PRKCD: variants seen among roughly 807,000 people sequenced by gnomAD.
The protein encoded by PRKCD is protein kinase C delta type.
PRKCD carries 20 observed loss-of-function variants against 82.2 expected under a neutral mutation model. That is an observed-to-expected ratio of 0.24 (90% CI 0.17 to 0.35). The LOEUF (loss-of-function observed/expected upper bound fraction) is 0.35, where lower values mean the gene tolerates loss of function less well. PRKCD is among the 10% of genes least tolerant of loss of function. The pLI, the probability that PRKCD is intolerant of heterozygous loss-of-function variation, is 1.00. For missense variants in PRKCD, 607 were observed against 899.0 expected (o/e 0.68, Z 4.15); for synonymous variants, 317 against 337.0 (o/e 0.94, Z 0.65).
intron 1 of PRKCD, among the ~76,000 whole-genome samples, chr3:53,162,763 T>A (rs1160362099): frequency 2.7e-5 from 4 of 150,910 alleles, no homozygotes; most frequent in African/African-American, 9.8e-5. Context: ...TCTGGAGGTT[T>A]CGGTGTTGCA....
chr3:53,186,842 T>G (rs1553669296), intron 14 of PRKCD, 147 bp downstream of exon 14: 1 of 832,486 alleles, frequency 1.2e-6, no homozygotes, highest in African/African-American at 1.7e-5. Context: ...GATGTGGGGG[T>G]AGCCTGGGTC....
In PRKCD at chr3:53,183,293, G is replaced by A. The variant is rs533144512; in HGVS notation, c.657+87G>A. On this transcript the variant is annotated intron_variant, in intron 8 of 18. Transcript: ENST00000330452. ...GCACCCTCTCCCCACCCTCCCTGGGGAGCTTACCCTCCCTCCCCATTTTTC... is the reference window on the plus strand; with the variant it reads ...GCACCCTCTCCCCACCCTCCCTGGGAAGCTTACCCTCCCTCCCCATTTTTC... The A allele has an allele frequency of 1.6e-4, 245 of 1,571,886 alleles. 1 individual carries two copies. The highest frequency in any genetic ancestry group is 1.2e-3 in the Middle Eastern group (7 of 5,920).
chr3:53,165,900 T>C (rs966246041), intron 2 of PRKCD, among the ~76,000 whole-genome samples: 1 of 152,222 alleles, frequency 6.6e-6, no homozygotes, highest in African/African-American at 2.4e-5. Context: ...TTCAGCCCTA[T>C]TACCATGAAA....
intron 7 of PRKCD, 140 bp from the exon 8 acceptor site, chr3:53,182,981 C>T: frequency 2.5e-6 from 2 of 790,238 alleles, no homozygotes; most frequent in East Asian, 2.7e-5. Context: ...AAGCGCTGGG[C>T]CTCTGCGGGG....
chr3:53,192,267 G>C lies in PRKCD; in HGVS notation c.*1G>C, dbSNP rs782679543. ...ATTCGAGCACCTCCTGGAAGATTGA[G>C]GTTCCTGGACAGATCAGGCTAGCCC... On this transcript the variant is annotated 3_prime_UTR_variant, in exon 19 of 19. Transcript: ENST00000330452. 1 of 1,613,976 alleles carries C rather than the reference G, an allele frequency of 6.2e-7. No individual in the cohort carries two copies. The highest frequency in any genetic ancestry group is 8.5e-7 in the Non-Finnish European group (1 of 1,179,960).
At chr3:53,186,115 C>T (rs1460769811) in intron 12 of PRKCD, 52 bp from the exon 13 acceptor site, 11 of 1,607,012 alleles carry the variant, frequency 6.8e-6, no homozygotes, top group Non-Finnish European at 9.4e-6. Flanking sequence ...GTGAATCGGG[C>T]TGTGGCCCCT....
intron 13 of PRKCD, 29 bp downstream of exon 13, chr3:53,186,369 C>T (rs1703689972): frequency 1.2e-6 from 2 of 1,612,628 alleles, no homozygotes; most frequent in Non-Finnish European, 1.7e-6. Flanking sequence ...GTCACCACCC[C>T]ATGCCACAGC....
intron 13 of PRKCD, 42 bp from the exon 14 acceptor site, chr3:53,186,562 C>T: frequency 6.4e-7 from 1 of 1,552,238 alleles, no homozygotes; most frequent in South Asian, 1.2e-5. Flanking sequence ...AGGGAGCCTC[C>T]TGCCTATTCC....
intron 2 of PRKCD, among the ~76,000 whole-genome samples, chr3:53,177,225 A>T (rs1428829807): frequency 6.6e-6 from 1 of 152,150 alleles, no homozygotes; most frequent in South Asian, 2.1e-4. Context: ...CTTGGCCTCA[A>T]GCGATCCTCT....
Position 53,162,241 on chromosome 3 carries a change from G to T in PRKCD, c.-132+813G>T, listed in dbSNP as rs532482998. ...CCAACCCAGATGCCACTCCCGTTGT[G>T]GGGGCTCCACCAGATGAGGGGAGGA... On this transcript the variant is annotated intron_variant, in intron 1 of 18. Coordinates refer to ENST00000330452, the MANE Select transcript of PRKCD (RefSeq NM_006254.4). Among the ~76,000 whole-genome samples, 10 of 151,642 alleles carry T rather than the reference G, an allele frequency of 6.6e-5. No homozygotes were observed. In the South Asian group the frequency reaches 2.1e-3, roughly 32 times the overall value.
rs1703702759 is a variant in PRKCD at position 53,186,626 on chromosome 3, A to G, written c.1283A>G (p.Glu428Gly). The G allele has an allele frequency of 1.2e-6, 2 of 1,613,598 alleles. No individual in the cohort carries two copies. The highest frequency in any genetic ancestry group is 1.7e-6 in the Non-Finnish European group (2 of 1,179,754). ...CAGGACCACCTGTTCTTTGTGATGG[A>G]GTTCCTCAACGGGGGGGACCTGATG... The part of the protein sequence containing the change: ...QTKDHLFFVM[E>G]FLNGGDLMYH... Residue 428 changes from glutamate (E) to glycine (G), a missense_variant, in exon 14 of 19, where the codon GAG (glutamate) becomes GGG (glycine). By Grantham distance (98) the Glu-to-Gly change is moderately conservative. Transcript: ENST00000330452.
At chr3:53,185,014 G>A (rs781989661) in intron 10 of PRKCD, 40 bp downstream of exon 10, 1 of 1,568,016 alleles carries the variant, frequency 6.4e-7, no homozygotes, top group Admixed American at 1.7e-5. Flanking sequence ...CAGGGCAGTG[G>A]GGTCAGGGAC....
At chr3:53,189,363 C>A in intron 17 of PRKCD, 117 bp downstream of exon 17, 1 of 1,085,710 alleles carries the variant, frequency 9.2e-7, no homozygotes. Context: ...AGTGGTGCTG[C>A]AGTCCTAACA....
At chr3:53,189,840 TG>T in intron 17 of PRKCD, 32 bp from the exon 18 acceptor site, 2 of 1,613,616 alleles carry the variant, frequency 1.2e-6, no homozygotes, top group Non-Finnish European at 1.7e-6. Flanking sequence ...CCATGGCCCT[TG>T]GGTGCTAACC....
Position 53,192,334 on chromosome 3 carries a change from A to C in PRKCD, c.*68A>C, listed in dbSNP as rs1703955820. The C allele has an allele frequency of 6.4e-7, 1 of 1,569,378 alleles. No individual in the cohort carries two copies. The highest frequency in any genetic ancestry group is 1.1e-5 in the South Asian group (1 of 89,378). On this transcript the variant is annotated 3_prime_UTR_variant, in exon 19 of 19. Transcript: ENST00000330452. ...CTGCCCGCTCCCCACGATAAGCACC[A>C]GTGGGACTGTGGTGACTTCTGCTGC...
chr3:53,183,989 A>C (rs1233475423), intron 9 of PRKCD, among the ~76,000 whole-genome samples: 2 of 152,160 alleles, frequency 1.3e-5, no homozygotes, highest in East Asian at 3.8e-4. Flanking sequence ...ATGTTCTTTA[A>C]AGGGTTTCGA....
chr3:53,181,424 C>T lies in PRKCD; in HGVS notation c.377-20C>T, dbSNP rs1703435143. On this transcript the variant is annotated intron_variant, in intron 5 of 18. Transcript: ENST00000330452. ...CCCTTCCAGATACCAGGGCTGACTT[C>T]CCTACTCCATGGTCACCAGATTGCA... 6.2e-7 allele frequency: 1 copy of T among 1,614,058 alleles called. No individual in the cohort carries two copies. Among genetic ancestry groups the T allele is most frequent in the African/African-American group, 1.3e-5 (1 of 75,034 alleles).
Position 53,181,280 on chromosome 3 carries a change from T to A in PRKCD, c.376+13T>A, listed in dbSNP as rs781826392. 6.2e-7 allele frequency: 1 copy of A among 1,613,420 alleles called. No individual in the cohort carries two copies. Among genetic ancestry groups the A allele is most frequent in the Non-Finnish European group, 8.5e-7 (1 of 1,179,722 alleles). ...CTGGAGGACGTGGGTAAGAACTCCC[T>A]GGGGGTGGAGGGCTCCCTTGCCGGG... On this transcript the variant is annotated intron_variant, in intron 5 of 18. Transcript: ENST00000330452.
intron 2 of PRKCD, among the ~76,000 whole-genome samples, chr3:53,168,163 T>A (rs1399868341): frequency 6.6e-6 from 1 of 152,202 alleles, no homozygotes; most frequent in East Asian, 1.9e-4. Context: ...CCAGCCTGCT[T>A]ACCCTTCAGA....
Sources: gnomAD v4.1 joint callset for allele counts (sites outside exome capture counted in the v4.1 genomes callset) on GRCh38, gnomAD v4.1.1 for gene constraint, MANE v1.5 for transcripts, NCBI Gene and HGNC (gene_info 2026-07-23, HGNC 2026-07-21) for gene names.